The following FBXO25 variants were observed in gnomAD, a reference collection of about 807,000 sequenced individuals.
The protein encoded by FBXO25 is F-box protein 25, also known as F-box only protein 25.
FBXO25 carries 45 observed loss-of-function variants against 51.9 expected under a neutral mutation model. The ratio of observed to expected loss-of-function variants is 0.87; its 90% CI spans 0.68 to 1.11. The LOEUF is 1.11. Among genes scored for constraint, FBXO25 ranks in the 50% most tolerant of loss-of-function variants. FBXO25 has a pLI of 0.00. For synonymous variants in FBXO25, 199 were observed against 151.0 expected (o/e 1.32, Z -2.33); for missense variants, 507 against 428.5 (o/e 1.18, Z -1.62).
rs1798965571 is a variant in FBXO25 at position 449,803 on chromosome 8, T to G, written c.382-187T>G. 2.0e-5 allele frequency among the ~76,000 whole-genome samples: 3 copies of G among 152,200 alleles called. No individual in the cohort carries two copies. In the South Asian group the frequency reaches 6.2e-4, roughly 32 times the overall value. On this transcript the variant is annotated intron_variant, in intron 5 of 9. Transcript: ENST00000350302. ...GTAGGCTGCGGCTGCCTCAGCTCCC[T>G]TGTATGAAGGTCTCTTCAGGTTTGC... is the stretch of plus-strand genomic sequence containing the variant.
At chr8:431,570 A>C (rs150250859) in intron 3 of FBXO25, 126 bp downstream of exon 3, 2 of 522,058 alleles carry the variant, frequency 3.8e-6, no homozygotes, top group African/African-American at 4.0e-5. Flanking sequence ...AGTATCCAGC[A>C]TTGCCTACAG....
intron 7 of FBXO25, 127 bp downstream of exon 7, chr8:451,580 A>T (rs568907852): frequency 1.1e-6 from 1 of 928,146 alleles, no homozygotes; most frequent in Non-Finnish European, 1.6e-6. Context: ...ATAAGTATTC[A>T]TTAAATTGTT....
At chr8:439,829 A>T (rs1320101805) in intron 5 of FBXO25, among the ~76,000 whole-genome samples, 3 of 152,192 alleles carry the variant, frequency 2.0e-5, no homozygotes. Flanking sequence ...GCACTTTGGG[A>T]GGCTGAGGCA....
Position 476,695 on chromosome 8 carries a change from TCTC to T in FBXO25, c.*7897_*7899del, listed in dbSNP as rs752416851. The stretch of plus-strand genomic sequence containing the variant: ...TATTTCTGTAAAATCAGTTGTAATG[TCTC>T]CTCCTGGTTTTTAGTTGTTTTTCTT... On this transcript the variant is annotated 3_prime_UTR_variant, in exon 10 of 10. Transcript: ENST00000350302. 5 of 152,192 alleles carry T rather than the reference TCTC, an allele frequency of 3.3e-5. 1 individual carries two copies. The highest frequency in any genetic ancestry group is 4.1e-4 in the South Asian group (2 of 4,834). 9.4% of individuals were successfully genotyped at this position (152,192 alleles called of 1,614,324 possible).
chr8:457,947 T>G (rs1309932393), intron 7 of FBXO25, among the ~76,000 whole-genome samples: 1 of 152,202 alleles, frequency 6.6e-6, no homozygotes, highest in African/African-American at 2.4e-5. Flanking sequence ...CCCAGTGGTG[T>G]GGCACAGGCC....
At chr8:410,465 T>A (rs1455433656) in intron 1 of FBXO25, among the ~76,000 whole-genome samples, 1 of 152,164 alleles carries the variant, frequency 6.6e-6, no homozygotes, top group Non-Finnish European at 1.5e-5. Context: ...AATCCACAGT[T>A]TCAAGTTGAT....
intron 5 of FBXO25, among the ~76,000 whole-genome samples, chr8:438,267 C>G (rs559626580): frequency 2.4e-4 from 37 of 152,246 alleles, no homozygotes; most frequent in African/African-American, 8.9e-4. Context: ...CCATTTTGGC[C>G]AGGCTCGTCT....
chr8:416,196 G>A (rs1377863948), intron 2 of FBXO25, among the ~76,000 whole-genome samples: 1 of 152,174 alleles, frequency 6.6e-6, no homozygotes, highest in Non-Finnish European at 1.5e-5. Context: ...CAGCCCCACT[G>A]TGTTTGCTTG....
At position 456,907 on chromosome 8, in the gene FBXO25, C is replaced by T. The variant is rs936548514; in HGVS notation, c.661-1462C>T. Among the ~76,000 whole-genome samples, 25 of 152,126 alleles carry T rather than the reference C, an allele frequency of 1.6e-4. No individual in the cohort carries two copies. In the East Asian group the frequency reaches 1.7e-3, roughly 11 times the overall value. ...GAGAAGAAAGTGGGGTGTCAAGGCA[C>T]GGGTGCCCCAGTCACCTCTCCCTAC... On this transcript the variant is annotated intron_variant, in intron 7 of 9. Transcript: ENST00000350302.
Position 413,156 on chromosome 8 carries a change from A to G in FBXO25, c.77A>G (p.Glu26Gly). 6.2e-7 allele frequency: 1 copy of G among 1,611,488 alleles called. No homozygotes were observed. ...ACAGAAGATGGCTGGAAGAGATGTG[A>G]ATCTTGTAGTCAGAAACTTGAAAGA... ...IKTEDGWKRC[E>G]SCSQKLEREN... Residue 26 changes from glutamate (E) to glycine (G), a missense_variant, in exon 2 of 10, where the codon GAA (glutamate) becomes GGA (glycine). Transcript: ENST00000350302.
At chr8:432,833 T>G in intron 3 of FBXO25, 53 bp from the exon 4 acceptor site, 1 of 1,483,956 alleles carries the variant, frequency 6.7e-7, no homozygotes, top group South Asian at 1.3e-5. Context: ...TTTAAAATCT[T>G]CATTTTGAAA....
In FBXO25 at chr8:427,082, A is replaced by T. The variant is rs1226944981; in HGVS notation, c.135-4259A>T. The stretch of plus-strand genomic sequence containing the variant: ...CGTAAACATTTGCCTACCAGGAGAA[A>T]ATAATACGACCTGATTGGAAAATGT... On this transcript the variant is annotated intron_variant, in intron 2 of 9. Coordinates refer to ENST00000350302, the MANE Select transcript of FBXO25 (RefSeq NM_183420.2). Among the ~76,000 whole-genome samples the T allele has an allele frequency of 1.4e-4, 22 of 152,194 alleles. No homozygotes were observed. In the East Asian group the frequency reaches 3.9e-3, roughly 27 times the overall value.
chr8:448,411 T>C (rs1299138944), intron 5 of FBXO25, among the ~76,000 whole-genome samples: 12 of 152,316 alleles, frequency 7.9e-5, no homozygotes, highest in African/African-American at 2.9e-4. Flanking sequence ...TGGCTTCAAA[T>C]TTCTCCAAAT....
intron 8 of FBXO25, among the ~76,000 whole-genome samples, chr8:459,504 C>T (rs544151103): frequency 1.8e-4 from 28 of 152,314 alleles, no homozygotes; most frequent in African/African-American, 6.7e-4. Flanking sequence ...TTGCAGCTTT[C>T]AGAAGAGCCT....
intron 2 of FBXO25, among the ~76,000 whole-genome samples, chr8:417,633 CG>C (rs1796889161): frequency 6.6e-6 from 1 of 152,148 alleles, no homozygotes; most frequent in Admixed American, 6.5e-5. Flanking sequence ...ACAGGTCATG[CG>C]CCTCTTTCCC....
In FBXO25 at chr8:469,161, T is replaced by C. The variant is rs1353482439; in HGVS notation, c.*357T>C. ...AATAATATGCTTCTTAATTATCAAA[T>C]TATAGTTTCCCAATTGGGAAACTAA... On this transcript the variant is annotated 3_prime_UTR_variant, in exon 10 of 10. Coordinates refer to ENST00000350302, the MANE Select transcript of FBXO25 (RefSeq NM_183420.2). The C allele has an allele frequency of 2.1e-5, 4 of 187,954 alleles. No individual in the cohort carries two copies. The highest frequency in any genetic ancestry group is 3.2e-5 in the Non-Finnish European group (3 of 92,426). The allele number at this position is 187,954 out of a possible 1,614,324, so 11.6% of individuals were successfully genotyped here.
intron 7 of FBXO25, among the ~76,000 whole-genome samples, chr8:452,552 C>T (rs564913316): frequency 5.9e-4 from 90 of 152,292 alleles, no homozygotes; most frequent in African/African-American, 1.9e-3. Flanking sequence ...GAGGCAGATC[C>T]GTGGTAGTGA....
At chr8:451,484 ACT>A (rs774094473) in intron 7 of FBXO25, 31 bp downstream of exon 7, 8 of 1,589,070 alleles carry the variant, frequency 5.0e-6, no homozygotes, top group East Asian at 2.2e-5. Flanking sequence ...GAGTTATTAC[ACT>A]CTGTTTTTAT....
intron 2 of FBXO25, among the ~76,000 whole-genome samples, chr8:421,157 C>T (rs948898398): frequency 1.3e-5 from 2 of 152,202 alleles, no homozygotes; most frequent in African/African-American, 2.4e-5. Context: ...CTCATAGGAG[C>T]GTGAACCCTG....
Sources: gnomAD v4.1 joint callset for allele counts (sites outside exome capture counted in the v4.1 genomes callset) on GRCh38, gnomAD v4.1.1 for gene constraint, MANE v1.5 for transcripts, NCBI Gene and HGNC (gene_info 2026-07-23, HGNC 2026-07-21) for gene names.